KCNB2: variants seen among roughly 807,000 people sequenced by gnomAD.
The protein encoded by KCNB2 is potassium voltage-gated channel subfamily B member 2, also known as delayed rectifier potassium channel protein.
A neutral mutation model predicts 61.5 loss-of-function variants in KCNB2; 15 were observed. The observed-to-expected ratio is 0.24, with a 90% CI of 0.16 to 0.38. The LOEUF is 0.38. Ranked by LOEUF, KCNB2 falls within the 10% of genes least tolerant of loss-of-function variation. The pLI is 1.00. For missense variants in KCNB2, 828 were observed against 1,125.2 expected, an observed-to-expected ratio of 0.74 and a Z score of 3.78; for synonymous variants, 457 against 446.0, an observed-to-expected ratio of 1.02 and a Z score of -0.31.
At chr8:72,734,562 C>T (rs1442147051) in intron 2 of KCNB2, among the ~76,000 whole-genome samples, 1 of 152,132 alleles carries the variant, frequency 6.6e-6, no homozygotes, top group Non-Finnish European at 1.5e-5. Flanking sequence ...ACTATGACGC[C>T]TGAACTACAG....
In KCNB2 at chr8:72,821,659, A is replaced by AAAAAAC. The variant is rs1554535735; in HGVS notation, c.580-114275_580-114274insAAAACA. ...AAAAAAACAAAAAAAAAAAAAAAAA[A>AAAAAAC]ACACACACACACCAAGCCCCCACAG... On this transcript the variant is annotated intron_variant, in intron 2 of 2. Coordinates refer to ENST00000523207, the MANE Select transcript of KCNB2 (RefSeq NM_004770.3). Among the ~76,000 whole-genome samples the AAAAAAC allele has an allele frequency of 4.9e-4, 57 of 117,026 alleles. 4 individuals carry two copies. The highest frequency in any genetic ancestry group is 7.0e-4 in the South Asian group (2 of 2,860). The allele number at this position is 117,026 out of a possible 152,430, so 76.8% of individuals were successfully genotyped here. A position where few individuals can be genotyped will look rare whatever the true frequency, so the allele number is the denominator to read the frequency against.
chr8:72,924,801 T>C (rs1472601021), intron 2 of KCNB2, among the ~76,000 whole-genome samples: 1 of 152,146 alleles, frequency 6.6e-6, no homozygotes, highest in African/African-American at 2.4e-5. Context: ...CTTAGCTTCA[T>C]GACAGGAAGA....
At chr8:72,597,024 T>C (rs1279108509) in intron 2 of KCNB2, among the ~76,000 whole-genome samples, 1 of 52,240 alleles carries the variant, frequency 1.9e-5, no homozygotes, top group Non-Finnish European at 6.2e-5. Context: ...TTTTTTTTTT[T>C]TTTTTTTTTT....
intron 2 of KCNB2, among the ~76,000 whole-genome samples, chr8:72,846,715 C>G (rs1209469616): frequency 6.6e-6 from 1 of 152,112 alleles, no homozygotes; most frequent in Non-Finnish European, 1.5e-5. Flanking sequence ...GAGATACCAT[C>G]CCACACCAAT....
At position 72,936,492 on chromosome 8, in the gene KCNB2, G is replaced by T; in HGVS notation, c.1137G>T (p.Met379Ile). Residue 379 changes from methionine (M) to isoleucine (I), a missense_variant, in exon 3 of 3, where the codon ATG (methionine) becomes ATT (isoleucine). Physicochemically the swap from Met to Ile is conservative, Grantham distance 10. Around this residue, in one of 4 missense-constraint regions of KCNB2, gnomAD observed 44 missense variants for 167.6 expected, o/e 0.26. Coordinates refer to ENST00000523207, the MANE Select transcript of KCNB2 (RefSeq NM_004770.3). This position sits in a 1 kb window ranked among gnomAD's most constrained non-coding sequence, Gnocchi z 5.6. ...PASFWWATITMTTVGYGDIYP... is the reference protein window; with the variant it reads ...PASFWWATITITTVGYGDIYP... Reference sequence around the variant, plus strand: ...CATTTTGGTGGGCCACCATCACCATGACCACTGTTGGCTATGGTGACATTT... The same window carrying T: ...CATTTTGGTGGGCCACCATCACCATTACCACTGTTGGCTATGGTGACATTT... 1 of 1,614,202 alleles carries T rather than the reference G, an allele frequency of 6.2e-7. No homozygotes were observed. Among genetic ancestry groups the T allele is most frequent in the South Asian group, 1.1e-5 (1 of 91,078 alleles).
chr8:72,863,018 G>T (rs1186530971), intron 2 of KCNB2, among the ~76,000 whole-genome samples: 1 of 152,114 alleles, frequency 6.6e-6, no homozygotes, highest in East Asian at 1.9e-4. Context: ...TGATTTCAAA[G>T]CCCATGTTTT....
At chr8:72,901,944 T>A (rs1806099501) in intron 2 of KCNB2, among the ~76,000 whole-genome samples, 1 of 152,136 alleles carries the variant, frequency 6.6e-6, no homozygotes, top group African/African-American at 2.4e-5. Flanking sequence ...GAGATAGGTT[T>A]GAGCTGATGT....
chr8:72,611,392 C>T (rs958450465), intron 2 of KCNB2, among the ~76,000 whole-genome samples: 6 of 152,170 alleles, frequency 3.9e-5, no homozygotes, highest in Admixed American at 1.3e-4. Flanking sequence ...ACAGAGTTGA[C>T]TCACTGCTTT....
chr8:72,777,546 T>C (rs1808676335), intron 2 of KCNB2, among the ~76,000 whole-genome samples: 1 of 152,204 alleles, frequency 6.6e-6, no homozygotes, highest in South Asian at 2.1e-4. Context: ...ATAAACTTGG[T>C]GTGAGAAAAA....
At chr8:72,851,824 A>C (rs1810115206) in intron 2 of KCNB2, among the ~76,000 whole-genome samples, 1 of 114,570 alleles carries the variant, frequency 8.7e-6, no homozygotes, top group African/African-American at 3.5e-5. Context: ...TAGAAGCTGT[A>C]GGAAAAAAAA....
At chr8:72,686,597 A>G (rs1806857511) in intron 2 of KCNB2, among the ~76,000 whole-genome samples, 1 of 152,206 alleles carries the variant, frequency 6.6e-6, no homozygotes, top group Admixed American at 6.5e-5. Flanking sequence ...AGAGCAATCA[A>G]TAAATCATCT....
In KCNB2 at chr8:72,896,699, A is replaced by G. The variant is rs573890339; in HGVS notation, c.580-39236A>G. On this transcript the variant is annotated intron_variant, in intron 2 of 2. Coordinates refer to ENST00000523207, the MANE Select transcript of KCNB2 (RefSeq NM_004770.3). ...GAAGATATTTCAAAAAAAACATTGT[A>G]TTTAAAACTCAGAAATTCCCTTTCT... Among the ~76,000 whole-genome samples, 29 of 152,266 alleles carry G rather than the reference A, an allele frequency of 1.9e-4. No homozygotes were observed. In the South Asian group the frequency reaches 6.0e-3, roughly 32 times the overall value.
intron 2 of KCNB2, among the ~76,000 whole-genome samples, chr8:72,776,973 A>T (rs1808666737): frequency 1.3e-5 from 2 of 152,136 alleles, no homozygotes; most frequent in Non-Finnish European, 1.5e-5. Flanking sequence ...TCTTTTATCT[A>T]GTGCTATATG....
At chr8:72,822,281 C>A (rs1809525051) in intron 2 of KCNB2, among the ~76,000 whole-genome samples, 1 of 152,230 alleles carries the variant, frequency 6.6e-6, no homozygotes, top group South Asian at 2.1e-4. Flanking sequence ...TATGTTTCCT[C>A]CCTTCTGGAA....
chr8:72,809,578 G>C (rs536693824), intron 2 of KCNB2, among the ~76,000 whole-genome samples: 1 of 152,116 alleles, frequency 6.6e-6, no homozygotes, highest in Non-Finnish European at 1.5e-5. Flanking sequence ...AACTTTATTA[G>C]AGAAATACAT....
chr8:72,620,010 G>T (rs1351404646), intron 2 of KCNB2, among the ~76,000 whole-genome samples: 1 of 152,150 alleles, frequency 6.6e-6, no homozygotes, highest in Non-Finnish European at 1.5e-5. Flanking sequence ...AACAAAAAAG[G>T]AAATAGTTCA....
At chr8:72,781,812 G>A (rs942429147) in intron 2 of KCNB2, among the ~76,000 whole-genome samples, 4 of 152,114 alleles carry the variant, frequency 2.6e-5, no homozygotes, top group African/African-American at 9.7e-5. Flanking sequence ...TCCTTTGCAG[G>A]GACCTGGATA....
At chr8:72,931,110 A>G (rs913959715) in intron 2 of KCNB2, among the ~76,000 whole-genome samples, 1 of 152,026 alleles carries the variant, frequency 6.6e-6, no homozygotes, top group Admixed American at 6.6e-5. Flanking sequence ...ATAGTTGTAG[A>G]TGTGTGGTAT....
chr8:72,854,433 AG>A (rs890882322), intron 2 of KCNB2, among the ~76,000 whole-genome samples: 2 of 152,200 alleles, frequency 1.3e-5, no homozygotes, highest in Non-Finnish European at 2.9e-5. Flanking sequence ...ATACTTTTTC[AG>A]ATTTTTCAAA....
Sources: allele counts gnomAD v4.1 joint callset (sites outside exome capture counted in the v4.1 genomes callset), GRCh38; gene constraint gnomAD v4.1.1; regional missense constraint gnomAD v4.1.1; non-coding constraint Gnocchi (gnomAD v3.1); transcripts MANE v1.5; gene names NCBI Gene and HGNC (gene_info 2026-07-23, HGNC 2026-07-21).